PDS5A: variants seen among roughly 807,000 people sequenced by gnomAD.
The protein encoded by PDS5A is PDS5 cohesin associated factor A.
Under a neutral mutation model 167.1 loss-of-function variants are expected in PDS5A, and 42 were observed. That is an observed-to-expected ratio of 0.25 (90% CI 0.20 to 0.33). The LOEUF (loss-of-function observed/expected upper bound fraction) is 0.33. Among genes scored for constraint, PDS5A ranks in the 10% least tolerant of loss-of-function variants. The pLI, the probability that PDS5A is intolerant of heterozygous loss-of-function variation, is 1.00. For synonymous variants in PDS5A, 553 were observed against 554.6 expected (o/e 1.00, Z 0.04); for missense variants, 1,033 against 1,605.9 (o/e 0.64, Z 6.10).
intron 26 of PDS5A, among the ~76,000 whole-genome samples, chr4:39,861,336 T>C (rs1718978066): frequency 1.3e-5 from 2 of 152,050 alleles, no homozygotes; most frequent in African/African-American, 4.8e-5. Flanking sequence ...CAGGCACCTG[T>C]AGTCCCAGCT....
intron 2 of PDS5A, among the ~76,000 whole-genome samples, chr4:39,928,671 A>G (rs1300394433): frequency 6.6e-6 from 1 of 152,112 alleles, no homozygotes; most frequent in Non-Finnish European, 1.5e-5. Flanking sequence ...CAAAAAATAC[A>G]AAAACCAGCT....
At chr4:39,845,696 A>G in intron 29 of PDS5A, 122 bp downstream of exon 29, 1 of 1,097,020 alleles carries the variant, frequency 9.1e-7, no homozygotes, top group Non-Finnish European at 1.2e-6. Context: ...CTTTAAATCC[A>G]TAATGTGATC....
intron 4 of PDS5A, among the ~76,000 whole-genome samples, chr4:39,926,473 A>G (rs10013955): frequency 0.71 from 105,886 of 149,670 alleles, 38,695 homozygotes; most frequent in Middle Eastern, 0.85. Context: ...AGCTGAGATC[A>G]CGCCATTGCA....
chr4:39,879,947 G>T (rs1395160938), intron 17 of PDS5A, 114 bp from the exon 18 acceptor site: 2 of 596,332 alleles, frequency 3.4e-6, no homozygotes, highest in Non-Finnish European at 5.7e-6. Context: ...AGGAGTTTCT[G>T]TGGGGGAAAA....
intron 26 of PDS5A, among the ~76,000 whole-genome samples, chr4:39,856,892 T>C (rs1472930554): frequency 6.6e-6 from 1 of 151,812 alleles, no homozygotes; most frequent in Non-Finnish European, 1.5e-5. Context: ...TCTAAGTAAA[T>C]GGGAATACAG....
At chr4:39,944,988 T>C (rs1727611996) in intron 2 of PDS5A, among the ~76,000 whole-genome samples, 2 of 152,156 alleles carry the variant, frequency 1.3e-5, no homozygotes, top group African/African-American at 4.8e-5. Flanking sequence ...CCACTTGCAA[T>C]AGTACTAATA....
At chr4:39,857,272 A>G (rs1718604228) in intron 26 of PDS5A, among the ~76,000 whole-genome samples, 1 of 151,836 alleles carries the variant, frequency 6.6e-6, no homozygotes, top group Admixed American at 6.6e-5. Flanking sequence ...GAATGGCGTG[A>G]ACCCGGGAGG....
At chr4:39,890,205 G>C (rs1307820722) in intron 17 of PDS5A, 44 bp downstream of exon 17, 2 of 1,027,446 alleles carry the variant, frequency 1.9e-6, no homozygotes, top group Non-Finnish European at 2.9e-6. Flanking sequence ...CATTGTCGTT[G>C]CAGATTATTA....
chr4:39,932,679 A>G (rs545796599), intron 2 of PDS5A: 1 of 152,414 alleles, frequency 6.6e-6, no homozygotes, highest in South Asian at 2.1e-4. Flanking sequence ...AAAAATACAA[A>G]AATTAGCTGG....
intron 5 of PDS5A, among the ~76,000 whole-genome samples, chr4:39,925,087 G>A (rs1725338224): frequency 6.6e-6 from 1 of 152,076 alleles, no homozygotes; most frequent in Non-Finnish European, 1.5e-5. Flanking sequence ...ACTCCAGTAT[G>A]GGTGACAGAG....
chr4:39,824,889 AG>A lies in PDS5A; in HGVS notation c.*595del, dbSNP rs1379103212. The A allele has an allele frequency of 1.3e-5, 2 of 152,686 alleles. No individual in the cohort carries two copies. The highest frequency in any genetic ancestry group is 2.9e-5 in the Non-Finnish European group (2 of 68,046). 9.5% of individuals were successfully genotyped at this position (152,686 alleles called of 1,614,324 possible). A position where few individuals can be genotyped will look rare whatever the true frequency, so the allele number is the denominator to read the frequency against. On this transcript the variant is annotated 3_prime_UTR_variant, in exon 33 of 33. Coordinates refer to ENST00000303538, the MANE Select transcript of PDS5A (RefSeq NM_001100399.2). ...AAATTGCTACCACATCACTTTTCATAGCAGGGAACCGAAATCTGTACATCTC... is the reference window on the plus strand; with the variant it reads ...AAATTGCTACCACATCACTTTTCATACAGGGAACCGAAATCTGTACATCTC...
chr4:39,865,492 A>G (rs1226278929), intron 23 of PDS5A, among the ~76,000 whole-genome samples: 2 of 152,226 alleles, frequency 1.3e-5, no homozygotes, highest in Non-Finnish European at 2.9e-5. Context: ...TAGCCTGGGC[A>G]ACATAGTGAG....
At position 39,841,980 on chromosome 4, in the gene PDS5A, G is replaced by A; in HGVS notation, c.3625C>T (p.Pro1209Ser). 1 of 1,598,978 alleles carries A rather than the reference G, an allele frequency of 6.3e-7. No homozygotes were observed. The highest frequency in any genetic ancestry group is 8.6e-7 in the Non-Finnish European group (1 of 1,166,508). The change falls in exon 31 of 33, where the codon CCT (proline) becomes TCT (serine). Residue 1209 changes from proline (P) to serine (S), a missense_variant. Pro to Ser is a moderately conservative substitution (Grantham distance 74). Transcript: ENST00000303538. The stretch of plus-strand genomic sequence containing the variant: ...TTTACTGGGTCAATATTCTTTACAG[G>A]TGTGACTGAAATAATCCTCACAGGG... ...ENPVRIISVT[P>S]VKNIDPVKNK...
chr4:39,838,626 G>C (rs1012055901), intron 31 of PDS5A, among the ~76,000 whole-genome samples: 1 of 152,200 alleles, frequency 6.6e-6, no homozygotes, highest in African/African-American at 2.4e-5. Context: ...GGGAGGCTGA[G>C]GTGGGAGGAT....
intron 26 of PDS5A, 125 bp from the exon 27 acceptor site, chr4:39,849,777 AAT>A (rs1578601783): frequency 3.4e-6 from 2 of 586,336 alleles, no homozygotes; most frequent in East Asian, 2.8e-5. Context: ...CTTAATGACT[AAT>A]ATATGTTATT....
At chr4:39,943,123 TACACACACACACACACACAC>T (rs35361618) in intron 2 of PDS5A, among the ~76,000 whole-genome samples, 13,467 of 144,908 alleles carry the variant, frequency 0.093, 765 homozygotes, top group East Asian at 0.22. Flanking sequence ...ACTATGCAAA[TACACACACACACACACACAC>T]ACACACACAC....
intron 26 of PDS5A, among the ~76,000 whole-genome samples, chr4:39,857,659 C>A (rs1213523731): frequency 6.6e-6 from 1 of 151,954 alleles, no homozygotes; most frequent in Non-Finnish European, 1.5e-5. Context: ...GAAGAGACCA[C>A]AAAGACTGTA....
At chr4:39,839,353 C>T (rs952488963) in intron 31 of PDS5A, among the ~76,000 whole-genome samples, 12 of 151,680 alleles carry the variant, frequency 7.9e-5, no homozygotes, top group Admixed American at 3.9e-4. Flanking sequence ...GGGTGGATCA[C>T]GAGGTCAGGA....
At chr4:39,970,130 G>A (rs555952762) in intron 2 of PDS5A, among the ~76,000 whole-genome samples, 5 of 151,982 alleles carry the variant, frequency 3.3e-5, no homozygotes, top group Middle Eastern at 3.4e-3. Flanking sequence ...GATTACAGGC[G>A]TGAGCCACCG....
Sources: gnomAD v4.1 joint callset for allele counts (sites outside exome capture counted in the v4.1 genomes callset) on GRCh38, gnomAD v4.1.1 for gene constraint, MANE v1.5 for transcripts, NCBI Gene and HGNC (gene_info 2026-07-23, HGNC 2026-07-21) for gene names.